The following MRPS17 variants were observed in gnomAD, a reference collection of about 807,000 sequenced individuals.
MRPS17 encodes mitochondrial ribosomal protein S17.
Under a neutral mutation model 11.3 loss-of-function variants are expected in MRPS17, and 6 were observed. The observed-to-expected ratio is 0.53, with a 90% CI of 0.29 to 1.05. The LOEUF (loss-of-function observed/expected upper bound fraction) is 1.05. MRPS17 is among the 50% of genes least tolerant of loss of function. The pLI is 0.08. For missense variants in MRPS17, 139 were observed against 153.6 expected (o/e 0.90, Z 0.50); for synonymous variants, 56 against 60.4 (o/e 0.93, Z 0.34).
chr7:55,952,594 G>A (rs1562755626), intron 1 of MRPS17, among the ~76,000 whole-genome samples: 1 of 151,974 alleles, frequency 6.6e-6, no homozygotes, highest in Non-Finnish European at 1.5e-5. Flanking sequence ...AATTAGCTCG[G>A]CGTGGTGGTG....
At position 55,955,240 on chromosome 7, in the gene MRPS17, A is replaced by G; in HGVS notation, c.*62A>G. On this transcript the variant is annotated 3_prime_UTR_variant, in exon 3 of 3. Coordinates refer to ENST00000285298, the MANE Select transcript of MRPS17 (RefSeq NM_015969.3). ...ACATGTTTATGTTATGGAAAAAGAA[A>G]TTTTTCTAAGTTTCATCACAAACTG... The G allele has an allele frequency of 6.5e-7, 1 of 1,542,820 alleles. No homozygotes were observed. Among genetic ancestry groups the G allele is most frequent in the South Asian group, 1.3e-5 (1 of 79,698 alleles).
In MRPS17 at chr7:55,953,229, T is replaced by C; in HGVS notation, c.34T>C (p.Trp12Arg). ...SVVRSSVHAR[W>R]IVGKVIGTKM... ...AGTTCGCTCATCCGTCCATGCCAGA[T>C]GGATTGTGGGGAAGGTGATTGGGAC... Residue 12 changes from tryptophan to arginine, a missense_variant, in exon 2 of 3, where the codon TGG becomes CGG. Physicochemically the swap from Trp to Arg is moderately radical, Grantham distance 101. Coordinates refer to ENST00000285298, the MANE Select transcript of MRPS17 (RefSeq NM_015969.3). 6.2e-7 allele frequency: 1 copy of C among 1,614,108 alleles called. No homozygotes were observed. The highest frequency in any genetic ancestry group is 8.5e-7 in the Non-Finnish European group (1 of 1,180,012).
rs950237756 is a variant in MRPS17, at chr7:55,955,984, C to T, written c.*806C>T. 2.0e-5 allele frequency: 3 copies of T among 152,040 alleles called. No homozygotes were observed. Among genetic ancestry groups the T allele is most frequent in the Admixed American group, 6.6e-5 (1 of 15,232 alleles). The allele number at this position is 152,040 out of a possible 1,614,324, so 9.4% of individuals were successfully genotyped here. On this transcript the variant is annotated 3_prime_UTR_variant, in exon 3 of 3. Transcript: ENST00000285298. The stretch of plus-strand genomic sequence containing the variant: ...CTCCCTGTGTTGCCCAGGTTGGTCT[C>T]GGACTCCTGGGAGCAATCTGCCCAT...
At chr7:55,952,384 G>C (rs1052111474) in intron 1 of MRPS17, 5 of 152,324 alleles carry the variant, frequency 3.3e-5, no homozygotes, top group African/African-American at 9.6e-5. Flanking sequence ...TTACCGCTTT[G>C]TAAGCGCTGT....
At chr7:55,953,369 C>T (rs1409174698) in intron 2 of MRPS17, 51 bp downstream of exon 2, 2 of 1,604,968 alleles carry the variant, frequency 1.2e-6, no homozygotes, top group Admixed American at 1.7e-5. Context: ...CCACCATGTC[C>T]TGGGTCCTAA....
At position 55,955,309 on chromosome 7, in the gene MRPS17, T is replaced by C; in HGVS notation, c.*131T>C. 1 of 1,135,736 alleles carries C rather than the reference T, an allele frequency of 8.8e-7. No homozygotes were observed. The highest frequency in any genetic ancestry group is 1.2e-6 in the Non-Finnish European group (1 of 806,464). The allele number at this position is 1,135,736 out of a possible 1,614,324, so 70.4% of individuals were successfully genotyped here. ...TGTTTATGAAATAGCTAAAAGCAAA[T>C]GAAGTAAAGGGCATACTATGGTTTT... On this transcript the variant is annotated 3_prime_UTR_variant, in exon 3 of 3. Transcript: ENST00000285298.
At chr7:55,954,876 A>G in intron 2 of MRPS17, 33 bp from the exon 3 acceptor site, 1 of 1,601,800 alleles carries the variant, frequency 6.2e-7, no homozygotes, top group Non-Finnish European at 8.5e-7. Flanking sequence ...ACAGATGGGA[A>G]CTACTGATTT....
intron 2 of MRPS17, 144 bp downstream of exon 2, chr7:55,953,462 A>G: frequency 3.7e-6 from 4 of 1,091,274 alleles, no homozygotes; most frequent in Non-Finnish European, 5.2e-6. Context: ...TGTAGGTATA[A>G]CACGGTTTAC....
intron 2 of MRPS17, among the ~76,000 whole-genome samples, chr7:55,954,672 G>C (rs1312839866): frequency 6.6e-6 from 1 of 152,196 alleles, no homozygotes; most frequent in African/African-American, 2.4e-5. Context: ...GGCGGAGGTT[G>C]CAGTGAGCTG....
chr7:55,953,907 A>G (rs914288582), intron 2 of MRPS17, among the ~76,000 whole-genome samples: 3 of 152,032 alleles, frequency 2.0e-5, no homozygotes, highest in Non-Finnish European at 2.9e-5. Context: ...AGGCGGTAAT[A>G]CTCATGCTGG....
rs781744131 is a variant in MRPS17, at chr7:55,955,327, A to G, written c.*149A>G. ...AAGCAAATGAAGTAAAGGGCATACT[A>G]TGGTTTTTCACAAAGGTTTATGGTC... is the stretch of plus-strand genomic sequence containing the variant. On this transcript the variant is annotated 3_prime_UTR_variant, in exon 3 of 3. Transcript: ENST00000285298. The G allele has an allele frequency of 1.0e-5, 10 of 955,936 alleles. No individual in the cohort carries two copies. The highest frequency in any genetic ancestry group is 8.8e-5 in the South Asian group (5 of 56,964). 59.2% of individuals were successfully genotyped at this position (955,936 alleles called of 1,614,324 possible).
chr7:55,954,757 C>G (rs900889756), intron 2 of MRPS17, 152 bp from the exon 3 acceptor site: 3 of 911,802 alleles, frequency 3.3e-6, no homozygotes, highest in African/African-American at 1.7e-5. Flanking sequence ...CTATATCACT[C>G]AGGCTCTAAT....
intron 1 of MRPS17, among the ~76,000 whole-genome samples, chr7:55,952,758 G>A (rs1194832902): frequency 1.3e-5 from 2 of 150,948 alleles, no homozygotes; most frequent in Non-Finnish European, 2.9e-5. Context: ...ATGGCCGGGC[G>A]CGGTGGCTCA....
At position 55,955,122 on chromosome 7, in the gene MRPS17, G is replaced by C. The variant is rs1187054160; in HGVS notation, c.337G>C (p.Glu113Gln). Reference sequence around the variant, plus strand: ...CTACCTGGAGAGTCCGTTGAGTTCGGAAACCACCCAGCTAAGCAAAAATCT... The same window carrying C: ...CTACCTGGAGAGTCCGTTGAGTTCGCAAACCACCCAGCTAAGCAAAAATCT... Reference protein sequence around the residue: ...TTYLESPLSSETTQLSKNLEE... With the variant: ...TTYLESPLSSQTTQLSKNLEE... Residue 113 changes from glutamate (E) to glutamine (Q), a missense_variant, in exon 3 of 3, where the codon GAA becomes CAA. By Grantham distance (29) the Glu-to-Gln change is conservative. Coordinates refer to ENST00000285298, the MANE Select transcript of MRPS17 (RefSeq NM_015969.3). The C allele has an allele frequency of 6.2e-7, 1 of 1,614,036 alleles. No homozygotes were observed. Among genetic ancestry groups the C allele is most frequent in the African/African-American group, 1.3e-5 (1 of 74,892 alleles).
Position 55,955,027 on chromosome 7 carries a change from T to G in MRPS17, c.242T>G (p.Leu81Arg). Reference protein sequence around the residue: ...VPRAKHVKHELAEIVFKVGKV... With the variant: ...VPRAKHVKHERAEIVFKVGKV... ...CGAGCAAAGCATGTGAAACATGAAC[T>G]GGCTGAGATCGTTTTCAAAGTTGGA... The change falls in exon 3 of 3, where the codon CTG (leucine) becomes CGG (arginine). Residue 81 changes from leucine to arginine, a missense_variant. Coordinates refer to ENST00000285298, the MANE Select transcript of MRPS17 (RefSeq NM_015969.3). 6.2e-7 allele frequency: 1 copy of G among 1,614,152 alleles called. No individual in the cohort carries two copies. Among genetic ancestry groups the G allele is most frequent in the Non-Finnish European group, 8.5e-7 (1 of 1,180,030 alleles).
chr7:55,953,863 A>C (rs1012881194), intron 2 of MRPS17, among the ~76,000 whole-genome samples: 2 of 152,146 alleles, frequency 1.3e-5, no homozygotes, highest in African/African-American at 4.8e-5. Flanking sequence ...ATAGGAATCT[A>C]ATGCCGCTGC....
At position 55,956,469 on chromosome 7, in the gene MRPS17, T is replaced by A. The variant is rs533265883; in HGVS notation, c.*1291T>A. On this transcript the variant is annotated 3_prime_UTR_variant, in exon 3 of 3. Transcript: ENST00000285298. Reference sequence around the variant, plus strand: ...AATCAAGCTGTGTTAATAAGAATATTGATGTGTGGAAAATAAAATTTTACA... The same window carrying A: ...AATCAAGCTGTGTTAATAAGAATATAGATGTGTGGAAAATAAAATTTTACA... 2 of 152,248 alleles carry A rather than the reference T, an allele frequency of 1.3e-5. No individual in the cohort carries two copies. Among genetic ancestry groups the A allele is most frequent in the African/African-American group, 4.8e-5 (2 of 41,566 alleles). 9.4% of individuals were successfully genotyped at this position (152,248 alleles called of 1,614,324 possible).
At position 55,955,146 on chromosome 7, in the gene MRPS17, C is replaced by T. The variant is rs367770319; in HGVS notation, c.361C>T (p.Leu121=). 1.2e-6 allele frequency: 2 copies of T among 1,614,040 alleles called. No individual in the cohort carries two copies. Among genetic ancestry groups the T allele is most frequent in the African/African-American group, 2.7e-5 (2 of 74,928 alleles). The stretch of plus-strand genomic sequence containing the variant: ...GGAAACCACCCAGCTAAGCAAAAAT[C>T]TGGAAGAACTCAATATCTCTTCAGC... The part of the protein sequence containing the change: ...SSETTQLSKN[L]EELNISSAQ Residue 121 remains leucine, a synonymous_variant, in exon 3 of 3, where the codon CTG becomes TTG. Coordinates refer to ENST00000285298, the MANE Select transcript of MRPS17 (RefSeq NM_015969.3).
intron 2 of MRPS17, among the ~76,000 whole-genome samples, chr7:55,954,566 A>G (rs1450617139): frequency 1.3e-5 from 2 of 152,096 alleles, no homozygotes; most frequent in Non-Finnish European, 2.9e-5. Context: ...CATCTCTACT[A>G]AAAAAACATA....
Sources: gnomAD v4.1 joint callset for allele counts (sites outside exome capture counted in the v4.1 genomes callset) on GRCh38, gnomAD v4.1.1 for gene constraint, MANE v1.5 for transcripts, NCBI Gene and HGNC (gene_info 2026-07-23, HGNC 2026-07-21) for gene names.